MEGF6: variants seen among roughly 807,000 people sequenced by gnomAD.
MEGF6 encodes the protein multiple EGF like domains 6, also known as multiple epidermal growth factor-like domains protein 6.
In MEGF6, 184 loss-of-function variants were observed where a neutral mutation model predicts 207.1. That is an observed-to-expected ratio of 0.89 (90% CI 0.79 to 1.00). MEGF6 has a LOEUF of 1.00. MEGF6 is among the 50% of genes least tolerant of loss of function. The pLI is 0.00. For missense variants in MEGF6, 2,282 were observed against 2,202.9 expected, an observed-to-expected ratio of 1.04 and a Z score of -0.72; for synonymous variants, 1,038 against 910.0, an observed-to-expected ratio of 1.14 and a Z score of -2.53.
Position 3,494,133 on chromosome 1 carries a change from C to T in MEGF6, c.4130-9G>A, listed in dbSNP as rs370614584. The T allele has an allele frequency of 6.3e-5, 98 of 1,544,410 alleles. No homozygotes were observed. The highest frequency in any genetic ancestry group is 1.2e-4 in the Admixed American group (6 of 51,254). ...GAAGCCAGGGGGACAGGCTGAAGGA[C>T]GCCGGTTACCACGAGACAAGGGCAC... is the stretch of plus-strand genomic sequence containing the variant. On this transcript the variant is annotated splice_polypyrimidine_tract_variant and intron_variant, in intron 32 of 36. Transcript: ENST00000356575.
At chr1:3,568,106 C>T (rs746972563) in intron 4 of MEGF6, among the ~76,000 whole-genome samples, 13 of 152,182 alleles carry the variant, frequency 8.5e-5, no homozygotes, top group African/African-American at 2.9e-4. Context: ...AATTTGCACC[C>T]GGAGTCTCCA....
chr1:3,519,086 GGGA>G (rs1424550141), intron 5 of MEGF6, among the ~76,000 whole-genome samples: 2 of 152,228 alleles, frequency 1.3e-5, no homozygotes, highest in African/African-American at 4.8e-5. Flanking sequence ...AAATGGAGCA[GGGA>G]GGGAAACGCC....
At chr1:3,579,152 C>G (rs1643730137) in intron 4 of MEGF6, among the ~76,000 whole-genome samples, 1 of 152,238 alleles carries the variant, frequency 6.6e-6, no homozygotes, top group African/African-American at 2.4e-5. Context: ...ATGAAGAAAC[C>G]CGGGACAGAG....
At chr1:3,595,982 G>A (rs2821024) in intron 2 of MEGF6, among the ~76,000 whole-genome samples, 115,307 of 152,064 alleles carry the variant, frequency 0.76, 44,627 homozygotes, top group East Asian at 0.85. Context: ...GACGGCCCCA[G>A]TAGGAGCCCC....
intron 4 of MEGF6, among the ~76,000 whole-genome samples, chr1:3,558,616 G>A (rs556339671): frequency 3.3e-5 from 5 of 152,250 alleles, no homozygotes; most frequent in South Asian, 4.2e-4. Context: ...TAGGTTGTGC[G>A]GTCCAACTGC....
At chr1:3,540,155 G>C (rs1162116189) in intron 4 of MEGF6, among the ~76,000 whole-genome samples, 1 of 152,246 alleles carries the variant, frequency 6.6e-6, no homozygotes, top group Non-Finnish European at 1.5e-5. Flanking sequence ...TGCTGGGCTG[G>C]CTCTCACCGC....
At chr1:3,535,972 G>A (rs1642316195) in intron 4 of MEGF6, among the ~76,000 whole-genome samples, 1 of 152,190 alleles carries the variant, frequency 6.6e-6, no homozygotes, top group African/African-American at 2.4e-5. Flanking sequence ...GTCGGGCAGG[G>A]CTCAGTGCTG....
intron 1 of MEGF6, 34 bp downstream of exon 1, chr1:3,611,104 G>C (rs1017101312): frequency 2.1e-6 from 3 of 1,452,440 alleles, no homozygotes; most frequent in Non-Finnish European, 2.7e-6. Context: ...GTCCCTGGAC[G>C]ACCGGCCGAG....
At chr1:3,500,508 C>T in intron 21 of MEGF6, 125 bp downstream of exon 21, 1 of 1,379,556 alleles carries the variant, frequency 7.2e-7, no homozygotes, top group South Asian at 1.5e-5. Flanking sequence ...GGGGCGCGGC[C>T]AAAGGCTTCG....
chr1:3,532,510 G>A (rs979001921), intron 4 of MEGF6, among the ~76,000 whole-genome samples: 6 of 152,222 alleles, frequency 3.9e-5, no homozygotes, highest in Non-Finnish European at 5.9e-5. Flanking sequence ...AGGACTGGGC[G>A]CCCGCCCACA....
chr1:3,492,116 G>A (rs1390872553), intron 35 of MEGF6, among the ~76,000 whole-genome samples: 3 of 152,064 alleles, frequency 2.0e-5, no homozygotes, highest in Non-Finnish European at 4.4e-5. Flanking sequence ...TGCCCGTGCA[G>A]GACTGCGTGC....
chr1:3,576,396 TC>T (rs1425186961), intron 4 of MEGF6, among the ~76,000 whole-genome samples: 2 of 152,220 alleles, frequency 1.3e-5, no homozygotes, highest in Admixed American at 6.5e-5. Flanking sequence ...CCCAGAGAGT[TC>T]CTGTCTCCCT....
intron 3 of MEGF6, among the ~76,000 whole-genome samples, chr1:3,590,760 G>A (rs1044195160): frequency 6.7e-5 from 10 of 148,544 alleles, no homozygotes; most frequent in Middle Eastern, 3.6e-3. Flanking sequence ...GGGTGATGGA[G>A]AAACAAGGAA....
chr1:3,497,601 C>T (rs1354049159), intron 26 of MEGF6: 7 of 685,306 alleles, frequency 1.0e-5, no homozygotes, highest in Admixed American at 2.1e-5. Context: ...CAGTGAGGCC[C>T]GAATGTGCCC....
intron 4 of MEGF6, among the ~76,000 whole-genome samples, chr1:3,530,591 C>G (rs560587878): frequency 6.6e-6 from 1 of 152,190 alleles, no homozygotes; most frequent in Non-Finnish European, 1.5e-5. Context: ...ACCTGCTTCC[C>G]AGGCCACCAG....
intron 5 of MEGF6, among the ~76,000 whole-genome samples, chr1:3,517,736 C>A (rs1462484123): frequency 1.3e-5 from 2 of 152,182 alleles, no homozygotes; most frequent in Non-Finnish European, 2.9e-5. Context: ...AAGCTCAGAC[C>A]CGGCAAAGCT....
At chr1:3,527,472 C>G (rs1215308059) in intron 4 of MEGF6, among the ~76,000 whole-genome samples, 1 of 152,238 alleles carries the variant, frequency 6.6e-6, no homozygotes, top group Admixed American at 6.5e-5. Context: ...CCCGAGGGTC[C>G]CTAAGCCCTG....
intron 9 of MEGF6, 110 bp from the exon 10 acceptor site, chr1:3,511,012 CCTGCAG>C (rs1450393422): frequency 6.2e-6 from 9 of 1,440,952 alleles, no homozygotes; most frequent in Non-Finnish European, 8.4e-6. Context: ...CCCGACTGCA[CCTGCAG>C]CTGCCCACAG....
chr1:3,542,701 C>T (rs569844132), intron 4 of MEGF6, among the ~76,000 whole-genome samples: 73 of 152,214 alleles, frequency 4.8e-4, no homozygotes, highest in African/African-American at 1.6e-3. Flanking sequence ...CAGGACTTGC[C>T]GCATCTTACA....
Sources: allele counts gnomAD v4.1 joint callset (sites outside exome capture counted in the v4.1 genomes callset), GRCh38; gene constraint gnomAD v4.1.1; transcripts MANE v1.5; gene names NCBI Gene and HGNC (gene_info 2026-07-23, HGNC 2026-07-21).